FNBP1: variants seen among roughly 807,000 people sequenced by gnomAD.
The protein encoded by FNBP1 is formin-binding protein 1.
FNBP1 carries 26 observed loss-of-function variants against 90.6 expected under a neutral mutation model. The observed-to-expected ratio is 0.29, with a 90% CI of 0.21 to 0.40. FNBP1 has a LOEUF of 0.40. Ranked by LOEUF, FNBP1 falls within the 10% of genes least tolerant of loss-of-function variation. The probability of loss-of-function intolerance (pLI) is 1.00; values close to 1 mark genes in which losing one functional copy is unlikely to be tolerated. For synonymous variants in FNBP1, 260 were observed against 265.2 expected (o/e 0.98, Z 0.19); for missense variants, 635 against 768.0 (o/e 0.83, Z 2.05).
chr9:129,947,627 C>CTT (rs1001497590), intron 6 of FNBP1, among the ~76,000 whole-genome samples: 1 of 143,468 alleles, frequency 7.0e-6, no homozygotes. Context: ...CAGTGAGTTA[C>CTT]TTTTTTTTTT....
At chr9:129,908,662 G>A (rs1373749737) in intron 12 of FNBP1, among the ~76,000 whole-genome samples, 4 of 151,718 alleles carry the variant, frequency 2.6e-5, no homozygotes, top group Non-Finnish European at 5.9e-5. Flanking sequence ...AAGCAATTCT[G>A]CTGCCTCAGC....
intron 6 of FNBP1, among the ~76,000 whole-genome samples, chr9:129,944,449 G>A (rs2044877728): frequency 6.6e-6 from 1 of 151,608 alleles, no homozygotes; most frequent in Non-Finnish European, 1.5e-5. Flanking sequence ...GCTGAGGCAG[G>A]AGAATTGCTT....
chr9:129,916,548 C>T (rs969296308), intron 10 of FNBP1, among the ~76,000 whole-genome samples: 7 of 150,586 alleles, frequency 4.6e-5, no homozygotes, highest in Admixed American at 4.0e-4. Flanking sequence ...ACCTGGGAGA[C>T]GGAGGTTGCA....
At chr9:130,015,995 G>T (rs964348802) in intron 1 of FNBP1, among the ~76,000 whole-genome samples, 1 of 152,146 alleles carries the variant, frequency 6.6e-6, no homozygotes, top group African/African-American at 2.4e-5. Context: ...TTTGGAATTT[G>T]GAATTCCTTT....
intron 7 of FNBP1, among the ~76,000 whole-genome samples, chr9:129,929,099 A>G (rs2042341196): frequency 6.6e-6 from 1 of 151,640 alleles, no homozygotes; most frequent in African/African-American, 2.4e-5. Flanking sequence ...CTGTCTCAAA[A>G]AACAAAAACA....
chr9:129,996,155 C>T (rs1017689000), intron 1 of FNBP1, among the ~76,000 whole-genome samples: 2 of 152,110 alleles, frequency 1.3e-5, no homozygotes, highest in African/African-American at 2.4e-5. Context: ...GTTGTTTTGA[C>T]ATGTTGAATG....
intron 6 of FNBP1, among the ~76,000 whole-genome samples, chr9:129,952,943 A>G (rs1482012648): frequency 6.6e-6 from 1 of 152,214 alleles, no homozygotes; most frequent in African/African-American, 2.4e-5. Flanking sequence ...CAAGGAAATT[A>G]AGACATAAGG....
In FNBP1 at chr9:129,888,512, GTCC is replaced by G; in HGVS notation, c.*2024_*2026del. The G allele has an allele frequency of 4.3e-6, 1 of 232,930 alleles. No homozygotes were observed. The highest frequency in any genetic ancestry group is 2.2e-5 in the African/African-American group (1 of 45,452). 14.4% of individuals were successfully genotyped at this position (232,930 alleles called of 1,614,324 possible). On this transcript the variant is annotated 3_prime_UTR_variant, in exon 17 of 17. Transcript: ENST00000446176. Reference sequence around the variant, plus strand: ...GGCTTGTCTTTCGTCTGTCAAGTCAGTCCTCCTGCGTGACTGATGGGTGCACCA... The same window carrying G: ...GGCTTGTCTTTCGTCTGTCAAGTCAGTCCTGCGTGACTGATGGGTGCACCA...
chr9:129,914,950 G>A (rs767145607), intron 11 of FNBP1: 2 of 455,432 alleles, frequency 4.4e-6, no homozygotes. Context: ...CATATTTGAA[G>A]TATAGTTATA....
At chr9:130,021,587 T>TA (rs2057831047) in intron 1 of FNBP1, among the ~76,000 whole-genome samples, 1 of 152,164 alleles carries the variant, frequency 6.6e-6, no homozygotes, top group Non-Finnish European at 1.5e-5. Context: ...GAATTTAGTT[T>TA]AATGTTGTGG....
At chr9:129,905,794 T>C (rs1488756792) in intron 12 of FNBP1, among the ~76,000 whole-genome samples, 1 of 152,208 alleles carries the variant, frequency 6.6e-6, no homozygotes, top group Non-Finnish European at 1.5e-5. Flanking sequence ...ATAGAATGTA[T>C]GTTAAAGTTC....
intron 4 of FNBP1, among the ~76,000 whole-genome samples, chr9:129,977,497 T>C (rs2130866386): frequency 6.6e-6 from 1 of 151,830 alleles, no homozygotes; most frequent in East Asian, 1.9e-4. Context: ...TTTTTTTTTT[T>C]TTTTTCTTTT....
At chr9:129,991,951 G>A (rs570945174) in intron 2 of FNBP1, among the ~76,000 whole-genome samples, 14 of 152,304 alleles carry the variant, frequency 9.2e-5, no homozygotes, top group Admixed American at 5.9e-4. Flanking sequence ...AAGCCACCGC[G>A]CCCAGCCAAG....
At chr9:130,013,039 T>C (rs1156384632) in intron 1 of FNBP1, among the ~76,000 whole-genome samples, 2 of 152,154 alleles carry the variant, frequency 1.3e-5, no homozygotes, top group Non-Finnish European at 2.9e-5. Context: ...AAGATAGCAT[T>C]GAGGAAAGTG....
intron 4 of FNBP1, among the ~76,000 whole-genome samples, chr9:129,960,951 G>A (rs926327397): frequency 1.3e-5 from 2 of 151,994 alleles, no homozygotes; most frequent in Non-Finnish European, 2.9e-5. Flanking sequence ...GAGAGAAGTG[G>A]GTCTGAGGAG....
intron 1 of FNBP1, among the ~76,000 whole-genome samples, chr9:130,024,700 G>C (rs954669146): frequency 6.6e-6 from 1 of 152,168 alleles, no homozygotes; most frequent in Admixed American, 6.6e-5. Flanking sequence ...AAGTGAGAAA[G>C]TGAAGGAAGA....
At position 129,890,646 on chromosome 9, in the gene FNBP1, TGGGAG is replaced by T. The variant is rs1588310556; in HGVS notation, c.1847-105_1847-101del. 2 of 442,026 alleles carry T rather than the reference TGGGAG, an allele frequency of 4.5e-6. No individual in the cohort carries two copies. The highest frequency in any genetic ancestry group is 1.8e-4 in the East Asian group (2 of 11,374). 27.4% of individuals were successfully genotyped at this position (442,026 alleles called of 1,614,324 possible). Reference sequence around the variant, plus strand: ...CTCTTGGCTACAAACTGCACCGCCCTGGGAGGGGAGGGTAGTGGGAGGGGAGGGAT... The same window carrying T: ...CTCTTGGCTACAAACTGCACCGCCCTGGGAGGGTAGTGGGAGGGGAGGGAT... On this transcript the variant is annotated intron_variant, in intron 16 of 16. Transcript: ENST00000446176. The surrounding 1 kb of genome is among the most constrained non-coding windows in gnomAD (Gnocchi z 5.8).
At chr9:129,923,566 A>C (rs145002464) in intron 10 of FNBP1, among the ~76,000 whole-genome samples, 5,164 of 150,080 alleles carry the variant, frequency 0.034, 96 homozygotes, top group South Asian at 0.069. Flanking sequence ...TGACAGAGCG[A>C]GACTCTGTCT....
At chr9:130,015,855 T>C (rs2057180413) in intron 1 of FNBP1, among the ~76,000 whole-genome samples, 1 of 152,094 alleles carries the variant, frequency 6.6e-6, no homozygotes, top group Admixed American at 6.6e-5. Context: ...TTGTATCTTT[T>C]GTAGAGATGG....
Sources: allele counts gnomAD v4.1 joint callset (sites outside exome capture counted in the v4.1 genomes callset), GRCh38; gene constraint gnomAD v4.1.1; non-coding constraint Gnocchi (gnomAD v3.1); transcripts MANE v1.5; gene names NCBI Gene and HGNC (gene_info 2026-07-23, HGNC 2026-07-21).